Variants in SORCS3 observed in about 807,000 individuals in gnomAD.
SORCS3 encodes the protein sortilin related VPS10 domain containing receptor 3.
SORCS3 carries 57 observed loss-of-function variants against 146.3 expected under a neutral mutation model. The ratio of observed to expected loss-of-function variants is 0.39; its 90% CI spans 0.31 to 0.49. The LOEUF (loss-of-function observed/expected upper bound fraction) is 0.49. SORCS3 is among the 20% of genes least tolerant of loss of function. The probability of loss-of-function intolerance (pLI) is 0.92; values close to 1 mark genes in which losing one functional copy is unlikely to be tolerated. For missense variants in SORCS3, 1,341 were observed against 1,575.5 expected, an observed-to-expected ratio of 0.85 and a Z score of 2.52; for synonymous variants, 653 against 618.5, an observed-to-expected ratio of 1.06 and a Z score of -0.83.
At chr10:104,991,970 T>A (rs907425141) in intron 4 of SORCS3, among the ~76,000 whole-genome samples, 2 of 152,220 alleles carry the variant, frequency 1.3e-5, no homozygotes, top group Non-Finnish European at 2.9e-5. Flanking sequence ...TTTCAGCCCA[T>A]AAGACATATG....
intron 3 of SORCS3, among the ~76,000 whole-genome samples, chr10:104,959,390 A>C (rs1360065044): frequency 6.6e-6 from 1 of 152,128 alleles, no homozygotes; most frequent in Admixed American, 6.6e-5. Context: ...TCCTTATAAA[A>C]GGGACCTCAG....
rs753054918 is a variant in SORCS3, at chr10:105,217,046, G to A, written c.2658G>A (p.Ala886=). 9 of 1,614,002 alleles carry A rather than the reference G, an allele frequency of 5.6e-6. No individual in the cohort carries two copies. The highest frequency in any genetic ancestry group is 4.0e-5 in the African/African-American group (3 of 74,904). ...EDGIKHVYKS[A]GIFQVTAYAE... is the part of the protein sequence containing the mutation. ...GCATCAAGCACGTGTATAAGAGTGC[G>A]GGGATCTTCCAGGTGACAGCCTATG... Residue 886 remains alanine, a synonymous_variant, in exon 19 of 27, where the codon GCG becomes GCA. Coordinates refer to ENST00000369701, the MANE Select transcript of SORCS3 (RefSeq NM_014978.3).
At chr10:104,950,518 G>A (rs1315615581) in intron 3 of SORCS3, among the ~76,000 whole-genome samples, 2 of 152,190 alleles carry the variant, frequency 1.3e-5, no homozygotes, top group African/African-American at 4.8e-5. Flanking sequence ...CACATAGCAA[G>A]TGGAAGGAGT....
chr10:105,127,402 A>G (rs10786844), intron 7 of SORCS3, among the ~76,000 whole-genome samples: 73,581 of 151,960 alleles, frequency 0.48, 18,353 homozygotes, highest in Non-Finnish European at 0.54. Context: ...AAGAGCCTGG[A>G]GTTGCAAGTC....
intron 5 of SORCS3, among the ~76,000 whole-genome samples, chr10:105,087,516 G>A (rs370801936): frequency 2.7e-4 from 41 of 150,346 alleles, no homozygotes; most frequent in African/African-American, 9.5e-4. Context: ...AAAGAAACCG[G>A]GTGGCTTCAG....
At chr10:104,800,910 C>G (rs1005655948) in intron 1 of SORCS3, among the ~76,000 whole-genome samples, 1 of 152,224 alleles carries the variant, frequency 6.6e-6, no homozygotes, top group African/African-American at 2.4e-5. Context: ...GATGGTTGGG[C>G]TGATCCTCTC....
At chr10:104,674,272 T>G (rs2015889554) in intron 1 of SORCS3, among the ~76,000 whole-genome samples, 1 of 152,244 alleles carries the variant, frequency 6.6e-6, no homozygotes, top group African/African-American at 2.4e-5. Context: ...CTTTGCCTTC[T>G]AATATTCCTA....
chr10:105,226,014 CTCTT>C (rs2056731840), intron 20 of SORCS3, among the ~76,000 whole-genome samples: 1 of 151,816 alleles, frequency 6.6e-6, no homozygotes, highest in Non-Finnish European at 1.5e-5. Context: ...GAAAATTTGA[CTCTT>C]TCTTTTTAAA....
At chr10:104,843,008 C>A (rs776458376) in intron 2 of SORCS3, 149 bp downstream of exon 2, 14 of 657,718 alleles carry the variant, frequency 2.1e-5, no homozygotes, top group Non-Finnish European at 3.5e-5. Context: ...GAACTGATGG[C>A]CCCCACCTGT....
chr10:105,154,417 T>C (rs2056191117), intron 9 of SORCS3, among the ~76,000 whole-genome samples: 1 of 152,210 alleles, frequency 6.6e-6, no homozygotes, highest in African/African-American at 2.4e-5. Flanking sequence ...GGACTCAGCA[T>C]TCCGCCAAGG....
chr10:104,792,490 G>C (rs551219514), intron 1 of SORCS3, among the ~76,000 whole-genome samples: 3 of 152,170 alleles, frequency 2.0e-5, no homozygotes, highest in Non-Finnish European at 4.4e-5. Context: ...AAGACCATTT[G>C]GTCCTTCAAG....
At chr10:104,817,363 C>T (rs1312929630) in intron 1 of SORCS3, among the ~76,000 whole-genome samples, 4 of 118,826 alleles carry the variant, frequency 3.4e-5, no homozygotes, top group African/African-American at 9.7e-5. Flanking sequence ...CCCTCTTCCA[C>T]CCTTCTCCCC....
intron 8 of SORCS3, among the ~76,000 whole-genome samples, chr10:105,142,639 T>C (rs2056103331): frequency 6.6e-6 from 1 of 151,960 alleles, no homozygotes; most frequent in African/African-American, 2.4e-5. Flanking sequence ...CCAAAGAAAA[T>C]TTCCTGTTCA....
chr10:104,719,440 C>T (rs1187616050), intron 1 of SORCS3, among the ~76,000 whole-genome samples: 1 of 152,136 alleles, frequency 6.6e-6, no homozygotes, highest in Non-Finnish European at 1.5e-5. Context: ...CTTCCGTATT[C>T]CTTGACTCTG....
At chr10:104,873,644 T>A (rs191083633) in intron 2 of SORCS3, among the ~76,000 whole-genome samples, 8 of 152,362 alleles carry the variant, frequency 5.3e-5, no homozygotes, top group African/African-American at 1.9e-4. Context: ...ATTTTTATTA[T>A]AATTGTGGCA....
At chr10:104,686,927 A>G (rs1048417975) in intron 1 of SORCS3, among the ~76,000 whole-genome samples, 2 of 121,470 alleles carry the variant, frequency 1.6e-5, no homozygotes, top group South Asian at 2.9e-4. Flanking sequence ...CAATCCATCT[A>G]TCCATCCATC....
intron 13 of SORCS3, among the ~76,000 whole-genome samples, chr10:105,168,149 G>A (rs1028775982): frequency 1.3e-5 from 2 of 152,182 alleles, no homozygotes; most frequent in African/African-American, 4.8e-5. Flanking sequence ...AACAGAGGTG[G>A]GGATGAAAGT....
chr10:104,835,901 AC>A (rs1348956167), intron 1 of SORCS3, among the ~76,000 whole-genome samples: 5 of 152,168 alleles, frequency 3.3e-5, no homozygotes, highest in Non-Finnish European at 5.9e-5. Context: ...TGAATCAGCA[AC>A]CCTGTGAGCG....
At chr10:105,076,485 CT>C (rs1354548934) in intron 5 of SORCS3, among the ~76,000 whole-genome samples, 1 of 152,188 alleles carries the variant, frequency 6.6e-6, no homozygotes, top group Non-Finnish European at 1.5e-5. Flanking sequence ...ATACTCTCCA[CT>C]TTACCAACCC....
Sources: gnomAD v4.1 joint callset for allele counts (sites outside exome capture counted in the v4.1 genomes callset) on GRCh38, gnomAD v4.1.1 for gene constraint, MANE v1.5 for transcripts, NCBI Gene and HGNC (gene_info 2026-07-23, HGNC 2026-07-21) for gene names.